The following FBLIM1 variants were observed in gnomAD, a reference collection of about 807,000 sequenced individuals.
FBLIM1 encodes filamin binding LIM protein 1.
Under a neutral mutation model 37.4 loss-of-function variants are expected in FBLIM1, and 29 were observed. The observed-to-expected ratio is 0.77, with a 90% CI of 0.58 to 1.06. The LOEUF (loss-of-function observed/expected upper bound fraction) is 1.06. FBLIM1 is among the 50% of genes least tolerant of loss of function. The pLI is 0.00. For missense variants in FBLIM1, 449 were observed against 505.6 expected, an observed-to-expected ratio of 0.89 and a Z score of 1.07; for synonymous variants, 193 against 199.0, an observed-to-expected ratio of 0.97 and a Z score of 0.25.
chr1:15,784,456 T>G, intron 8 of FBLIM1, 92 bp from the exon 9 acceptor site: 2 of 973,766 alleles, frequency 2.1e-6, no homozygotes, highest in Non-Finnish European at 1.6e-6. Context: ...ACTCATGCAG[T>G]TGGTTTATTC....
chr1:15,780,930 A>G (rs990784867), intron 8 of FBLIM1, among the ~76,000 whole-genome samples: 1 of 152,060 alleles, frequency 6.6e-6, no homozygotes, highest in African/African-American at 2.4e-5. Flanking sequence ...GTTATCCCCA[A>G]CATCATCCTC....
At position 15,785,798 on chromosome 1, in the gene FBLIM1, G is replaced by T. The variant is rs1226572491; in HGVS notation, c.*1137G>T. On this transcript the variant is annotated 3_prime_UTR_variant, in exon 9 of 9. Transcript: ENST00000375766. ...CATGGACTTCCCCGCCCTGGAATGT[G>T]TGGTGCAAAGTGGGGCCAGGGCCCA... is the stretch of plus-strand genomic sequence containing the variant. 6.6e-6 allele frequency: 1 copy of T among 151,576 alleles called. No individual in the cohort carries two copies. The allele number at this position is 151,576 out of a possible 1,614,324, so 9.4% of individuals were successfully genotyped here. A position where few individuals can be genotyped will look rare whatever the true frequency, so the allele number is the denominator to read the frequency against.
At chr1:15,769,628 A>C (rs1394786387) in intron 5 of FBLIM1, among the ~76,000 whole-genome samples, 1 of 151,908 alleles carries the variant, frequency 6.6e-6, no homozygotes, top group African/African-American at 2.4e-5. Context: ...TTATTTATTT[A>C]TGTTATTTAT....
intron 8 of FBLIM1, among the ~76,000 whole-genome samples, chr1:15,780,994 A>C (rs375488556): frequency 9.3e-5 from 14 of 150,546 alleles, no homozygotes; most frequent in African/African-American, 1.7e-4. Context: ...AAGCGAATAA[A>C]CCCCCCCGGT....
intron 5 of FBLIM1, among the ~76,000 whole-genome samples, chr1:15,769,029 G>A (rs1017020602): frequency 6.6e-6 from 1 of 152,162 alleles, no homozygotes; most frequent in Admixed American, 6.6e-5. Context: ...GAGCTCTCAT[G>A]TATCCTGCCA....
At chr1:15,761,410 G>A (rs987429373) in intron 1 of FBLIM1, among the ~76,000 whole-genome samples, 1 of 152,194 alleles carries the variant, frequency 6.6e-6, no homozygotes, top group Non-Finnish European at 1.5e-5. Flanking sequence ...GGCAGGATGG[G>A]CATTTCTTGC....
chr1:15,780,511 G>T (rs1386406552), intron 8 of FBLIM1, among the ~76,000 whole-genome samples: 1 of 152,138 alleles, frequency 6.6e-6, no homozygotes, highest in Non-Finnish European at 1.5e-5. Context: ...CTTAATTTTT[G>T]AACAAGGGGC....
intron 5 of FBLIM1, among the ~76,000 whole-genome samples, 155 bp downstream of exon 5, chr1:15,768,785 G>T (rs1299258553): frequency 6.6e-6 from 1 of 152,188 alleles, no homozygotes; most frequent in Non-Finnish European, 1.5e-5. Flanking sequence ...CATTTAATTT[G>T]TATTGCTTTA....
chr1:15,782,525 G>A (rs570281409), intron 8 of FBLIM1, among the ~76,000 whole-genome samples: 1 of 152,246 alleles, frequency 6.6e-6, no homozygotes, highest in African/African-American at 2.4e-5. Flanking sequence ...GCCTTGCAGA[G>A]GTTGTGAGAC....
At chr1:15,771,340 G>A (rs747148163) in intron 6 of FBLIM1, among the ~76,000 whole-genome samples, 5 of 150,708 alleles carry the variant, frequency 3.3e-5, no homozygotes, top group Admixed American at 6.6e-5. Flanking sequence ...TCTGCTTCCC[G>A]GGTTGAAGCA....
intron 5 of FBLIM1, among the ~76,000 whole-genome samples, chr1:15,769,803 T>G (rs1305065853): frequency 2.0e-5 from 3 of 151,782 alleles, no homozygotes; most frequent in African/African-American, 7.3e-5. Context: ...GCCCAGCTAA[T>G]TTTTGTATTT....
chr1:15,772,885 C>T (rs139754824), intron 6 of FBLIM1, among the ~76,000 whole-genome samples: 11 of 152,092 alleles, frequency 7.2e-5, no homozygotes, highest in African/African-American at 2.2e-4. Context: ...AAAAATTCCA[C>T]GTGATTCTCC....
At chr1:15,770,214 T>C (rs2069135435) in intron 5 of FBLIM1, among the ~76,000 whole-genome samples, 195 bp from the exon 6 acceptor site, 1 of 152,190 alleles carries the variant, frequency 6.6e-6, no homozygotes, top group African/African-American at 2.4e-5. Context: ...CCCAAAGTGC[T>C]GGCATTACAG....
At chr1:15,766,587 G>A (rs919888555) in intron 3 of FBLIM1, among the ~76,000 whole-genome samples, 20 of 151,230 alleles carry the variant, frequency 1.3e-4, no homozygotes, top group Non-Finnish European at 2.4e-4. Flanking sequence ...GTGAGCCACC[G>A]CGCCCAGCCT....
intron 2 of FBLIM1, 66 bp from the exon 3 acceptor site, chr1:15,764,898 C>T: frequency 6.6e-7 from 1 of 1,514,484 alleles, no homozygotes. Context: ...GAGGCTCTCT[C>T]CTCTCGGGGG....
chr1:15,761,222 C>T (rs1301642057), intron 1 of FBLIM1, among the ~76,000 whole-genome samples: 4 of 152,116 alleles, frequency 2.6e-5, no homozygotes, highest in Non-Finnish European at 5.9e-5. Context: ...CTGGATTGGG[C>T]CATTGTAGAG....
In FBLIM1 at chr1:15,764,549, T is replaced by G; in HGVS notation, c.-157T>G. On this transcript the variant is annotated 5_prime_UTR_variant, in exon 2 of 9. Transcript: ENST00000375766. ...CCTTCTAGGAGAATCTGATCCCAGG[T>G]GAGGGAGGTCACTTGGGGTGTGGCC... is the stretch of plus-strand genomic sequence containing the variant. The G allele has an allele frequency of 5.9e-6, 1 of 168,754 alleles. No individual in the cohort carries two copies. The highest frequency in any genetic ancestry group is 2.4e-5 in the African/African-American group (1 of 41,882). 10.5% of individuals were successfully genotyped at this position (168,754 alleles called of 1,614,324 possible).
chr1:15,780,645 G>A (rs576101057), intron 8 of FBLIM1, among the ~76,000 whole-genome samples: 4 of 152,178 alleles, frequency 2.6e-5, no homozygotes, highest in Non-Finnish European at 4.4e-5. Context: ...TGTCTTCTCC[G>A]GTGATGGTGA....
chr1:15,773,189 C>T (rs1257192567), intron 6 of FBLIM1, among the ~76,000 whole-genome samples: 1 of 152,054 alleles, frequency 6.6e-6, no homozygotes, highest in Non-Finnish European at 1.5e-5. Context: ...AGTTCGAGAC[C>T]AGCCTGACCA....
Sources: gnomAD v4.1 joint callset for allele counts (sites outside exome capture counted in the v4.1 genomes callset) on GRCh38, gnomAD v4.1.1 for gene constraint, MANE v1.5 for transcripts, NCBI Gene and HGNC (gene_info 2026-07-23, HGNC 2026-07-21) for gene names.